The following DCT variants were observed in gnomAD, a reference collection of about 807,000 sequenced individuals.
DCT encodes L-dopachrome tautomerase.
Under a neutral mutation model 53.0 loss-of-function variants are expected in DCT, and 47 were observed. The observed-to-expected ratio is 0.89, with a 90% CI of 0.70 to 1.13. The LOEUF is 1.13. DCT is among the 50% of genes most tolerant of loss of function. The probability of loss-of-function intolerance (pLI) is 0.00; values close to 1 mark genes in which losing one functional copy is unlikely to be tolerated. For synonymous variants in DCT, 244 were observed against 237.0 expected (o/e 1.03, Z -0.27); for missense variants, 669 against 637.4 (o/e 1.05, Z -0.53).
the DCT span, among the ~76,000 whole-genome samples, chr13:94,495,542 T>C: frequency 1.3e-5 from 2 of 152,344 alleles, no homozygotes; most frequent in South Asian, 4.1e-4. Flanking sequence ...GTATTCCATG[T>C]ATCATCAAAG....
At chr13:94,518,021 T>C in the DCT span, among the ~76,000 whole-genome samples, 1 of 148,398 alleles carries the variant, frequency 6.7e-6, no homozygotes, top group African/African-American at 2.5e-5. Context: ...GGTGGGACGA[T>C]CACTTGAGTC....
At chr13:94,472,882 G>C (rs745644368) in intron 1 of DCT, among the ~76,000 whole-genome samples, 1 of 151,804 alleles carries the variant, frequency 6.6e-6, no homozygotes, top group East Asian at 1.9e-4. Flanking sequence ...GCACCCTGCC[G>C]TGAGTTCTAT....
the DCT span, among the ~76,000 whole-genome samples, chr13:94,520,899 G>C: frequency 6.6e-6 from 1 of 152,174 alleles, no homozygotes; most frequent in East Asian, 1.9e-4. Context: ...TATTTAAGCA[G>C]AATTATCCGT....
At chr13:94,451,924 T>TA (rs1883119983) in intron 6 of DCT, among the ~76,000 whole-genome samples, 1 of 152,104 alleles carries the variant, frequency 6.6e-6, no homozygotes, top group Non-Finnish European at 1.5e-5. Flanking sequence ...TTAGGGTTTT[T>TA]TTTTTCTTTT....
chr13:94,541,633 T>A, the DCT span, among the ~76,000 whole-genome samples: 115 of 152,340 alleles, frequency 7.5e-4, no homozygotes, highest in African/African-American at 2.6e-3. Flanking sequence ...CTGCAATTAC[T>A]TCTGCACCCA....
chr13:94,472,542 ATATATATATATATATATATATATATATT>A lies in DCT; in HGVS notation c.296-3525_296-3498del, dbSNP rs1884748580. Among the ~76,000 whole-genome samples, 9 of 32,368 alleles carry A rather than the reference ATATATATATATATATATATATATATATT, an allele frequency of 2.8e-4. 1 individual carries two copies. The highest frequency in any genetic ancestry group is 1.1e-3 in the South Asian group (1 of 878). The allele number at this position is 32,368 out of a possible 152,430, so 21.2% of individuals were successfully genotyped here. On this transcript the variant is annotated intron_variant, in intron 1 of 7. Coordinates refer to ENST00000377028, the MANE Select transcript of DCT (RefSeq NM_001922.5). ...CATACATATATATATATATATATAT[ATATATATATATATATATATATATATATT>A]TTTTTTTTTTTTTTTTTTTTTTTTT...
chr13:94,520,408 G>C, the DCT span, among the ~76,000 whole-genome samples: 1 of 152,166 alleles, frequency 6.6e-6, no homozygotes, highest in East Asian at 1.9e-4. Flanking sequence ...AATTGAGAAA[G>C]GGTAATGACA....
Position 94,439,996 on chromosome 13 carries a change from CA to C in DCT, c.1461del (p.Phe487LeufsTer19), listed in dbSNP as rs1349874516. 5 of 1,613,896 alleles carry C rather than the reference CA, an allele frequency of 3.1e-6. No individual in the cohort carries two copies. The African/African-American group carries it at 6.7e-5, about 22-fold the overall frequency. ...CTATATTGAAGAAAAGCCAACAGCA[CA>C]AAAAGACCAACCAAAGCCACCAGTG... ...MGTLVALVGL[F>X]VLLAFLQYRR... On this transcript the variant is annotated frameshift_variant, in exon 8 of 8. Coordinates refer to ENST00000377028, the MANE Select transcript of DCT (RefSeq NM_001922.5). LOFTEE classifies it high-confidence loss of function.
chr13:94,449,130 A>G (rs1882925266), intron 6 of DCT, among the ~76,000 whole-genome samples: 1 of 152,072 alleles, frequency 6.6e-6, no homozygotes, highest in African/African-American at 2.4e-5. Context: ...CATAATGGAA[A>G]AAAAAATGTG....
intron 1 of DCT, among the ~76,000 whole-genome samples, chr13:94,472,007 CAA>C (rs1182933696): frequency 6.6e-6 from 1 of 151,936 alleles, no homozygotes; most frequent in Non-Finnish European, 1.5e-5. Context: ...AATAAAGTCT[CAA>C]TATTTAAAAA....
intron 6 of DCT, among the ~76,000 whole-genome samples, chr13:94,448,088 A>C (rs1882846743): frequency 6.6e-6 from 1 of 152,092 alleles, no homozygotes; most frequent in African/African-American, 2.4e-5. Flanking sequence ...TTTCTACAAA[A>C]ATTTAAAAAT....
chr13:94,495,393 G>A, the DCT span, among the ~76,000 whole-genome samples: 3 of 152,078 alleles, frequency 2.0e-5, no homozygotes, highest in Admixed American at 6.6e-5. Flanking sequence ...CACCACAACC[G>A]GCCTTACATG....
the DCT span, among the ~76,000 whole-genome samples, chr13:94,509,095 T>C: frequency 1.3e-5 from 2 of 152,168 alleles, no homozygotes; most frequent in African/African-American, 4.8e-5. Context: ...ACCTATTATG[T>C]TGAGTTGAGA....
At chr13:94,512,573 G>A in the DCT span, among the ~76,000 whole-genome samples, 1 of 152,322 alleles carries the variant, frequency 6.6e-6, no homozygotes, top group Non-Finnish European at 1.5e-5. Flanking sequence ...TGAAACACAT[G>A]TAGTATGGCA....
the DCT span, among the ~76,000 whole-genome samples, chr13:94,523,614 C>G: frequency 6.6e-6 from 1 of 152,322 alleles, no homozygotes; most frequent in South Asian, 2.1e-4. Context: ...GACCTGCTCA[C>G]TGTGGAACAG....
chr13:94,534,018 C>T, the DCT span, among the ~76,000 whole-genome samples: 1 of 152,090 alleles, frequency 6.6e-6, no homozygotes. Flanking sequence ...ACTTACTACA[C>T]CTGTGATGCA....
At chr13:94,504,350 G>A in the DCT span, among the ~76,000 whole-genome samples, 1 of 152,058 alleles carries the variant, frequency 6.6e-6, no homozygotes, top group Non-Finnish European at 1.5e-5. Context: ...GGCATTTGTA[G>A]TTTTTTTGTT....
chr13:94,501,283 A>G, the DCT span, among the ~76,000 whole-genome samples: 11,530 of 152,036 alleles, frequency 0.076, 935 homozygotes, highest in African/African-American at 0.2. Flanking sequence ...AAATAAATAA[A>G]TTAATTAATT....
At chr13:94,547,984 A>AAAATAT in the DCT span, among the ~76,000 whole-genome samples, 2 of 65,844 alleles carry the variant, frequency 3.0e-5, no homozygotes, top group African/African-American at 2.6e-4. Context: ...AAAAAAAAAA[A>AAAATAT]ATATATATAT....
Sources: gnomAD v4.1 joint callset for allele counts (sites outside exome capture counted in the v4.1 genomes callset) on GRCh38, gnomAD v4.1.1 for gene constraint, MANE v1.5 for transcripts, NCBI Gene and HGNC (gene_info 2026-07-23, HGNC 2026-07-21) for gene names.